Variants in KIF16B observed in about 807,000 individuals in gnomAD.
KIF16B encodes the protein kinesin-like protein KIF16B.
Under a neutral mutation model 156.3 loss-of-function variants are expected in KIF16B, and 98 were observed. The observed-to-expected ratio is 0.63, with a 90% CI of 0.53 to 0.74. The LOEUF is 0.74. Among genes scored for constraint, KIF16B ranks in the 30% least tolerant of loss-of-function variants. The pLI, the probability that KIF16B is intolerant of heterozygous loss-of-function variation, is 0.00. For synonymous variants in KIF16B, 564 were observed against 583.7 expected (o/e 0.97, Z 0.49); for missense variants, 1,421 against 1,606.5 (o/e 0.88, Z 1.97).
chr20:16,560,148 C>A (rs1331066236), intron 1 of KIF16B, among the ~76,000 whole-genome samples: 1 of 152,178 alleles, frequency 6.6e-6, no homozygotes, highest in Non-Finnish European at 1.5e-5. Flanking sequence ...CCAAGGACCA[C>A]TGATACCTTC....
chr20:16,384,611 C>A (rs2065183965), intron 17 of KIF16B, among the ~76,000 whole-genome samples: 1 of 152,086 alleles, frequency 6.6e-6, no homozygotes, highest in Non-Finnish European at 1.5e-5. Context: ...AGAACACATA[C>A]TCTTGGTGTT....
chr20:16,400,539 TCAAA>T (rs1458722172), intron 17 of KIF16B, among the ~76,000 whole-genome samples: 1 of 152,154 alleles, frequency 6.6e-6, no homozygotes, highest in Non-Finnish European at 1.5e-5. Context: ...AAACAAGGAC[TCAAA>T]CAAACAAGTT....
intron 15 of KIF16B, among the ~76,000 whole-genome samples, chr20:16,412,994 G>A (rs2065996827): frequency 6.6e-6 from 1 of 151,896 alleles, no homozygotes; most frequent in South Asian, 2.1e-4. Context: ...GGACAAGTCA[G>A]TGCTTAATCT....
At chr20:16,405,542 T>G (rs893509512) in intron 16 of KIF16B, among the ~76,000 whole-genome samples, 2 of 152,126 alleles carry the variant, frequency 1.3e-5, no homozygotes, top group Non-Finnish European at 2.9e-5. Flanking sequence ...GCATCCCTTA[T>G]AAAGGAGACA....
In KIF16B at chr20:16,514,666, G is replaced by A. The variant is rs545597614; in HGVS notation, c.348+882C>T. Reference sequence around the variant, plus strand: ...AGCACTTTGGGAGGCCGAGGCAGGCGGGTCATCTAAGGTCAGAAGTTCGAG... The same window carrying A: ...AGCACTTTGGGAGGCCGAGGCAGGCAGGTCATCTAAGGTCAGAAGTTCGAG... On this transcript the variant is annotated intron_variant, in intron 4 of 25. Transcript: ENST00000354981. Among the ~76,000 whole-genome samples the A allele has an allele frequency of 6.7e-5, 10 of 150,358 alleles. No individual in the cohort carries two copies. In the East Asian group the frequency reaches 7.8e-4, roughly 12 times the overall value.
chr20:16,298,908 A>T (rs79659281), intron 25 of KIF16B, among the ~76,000 whole-genome samples: 3 of 46,588 alleles, frequency 6.4e-5, no homozygotes, highest in African/African-American at 2.0e-4. Context: ...GGTGAGTAAT[A>T]AAAAAAAAAA....
chr20:16,378,713 A>G, intron 19 of KIF16B, 92 bp downstream of exon 19: 1 of 890,206 alleles, frequency 1.1e-6, no homozygotes. Context: ...GAATAAGTTA[A>G]AAAAAAAAAA....
At chr20:16,431,503 G>A (rs1017487855) in intron 12 of KIF16B, among the ~76,000 whole-genome samples, 2 of 152,126 alleles carry the variant, frequency 1.3e-5, no homozygotes, top group Non-Finnish European at 2.9e-5. Context: ...GGTTCCTACT[G>A]CTTTTGTGGT....
At chr20:16,423,330 A>G (rs1029229293) in intron 15 of KIF16B, among the ~76,000 whole-genome samples, 1 of 152,226 alleles carries the variant, frequency 6.6e-6, no homozygotes, top group Non-Finnish European at 1.5e-5. Flanking sequence ...ACAAAGAACA[A>G]CAGATTAAAG....
chr20:16,415,036 A>G (rs948691252), intron 15 of KIF16B, among the ~76,000 whole-genome samples: 1 of 152,160 alleles, frequency 6.6e-6, no homozygotes, highest in African/African-American at 2.4e-5. Context: ...TCTTCAACTT[A>G]GGATATTTTC....
chr20:16,474,141 T>C (rs2067741049), intron 12 of KIF16B, among the ~76,000 whole-genome samples: 1 of 152,180 alleles, frequency 6.6e-6, no homozygotes, highest in Non-Finnish European at 1.5e-5. Flanking sequence ...TGTGTTTCCA[T>C]GGCTACCCTC....
chr20:16,382,521 G>C (rs2065122539), intron 17 of KIF16B, among the ~76,000 whole-genome samples: 2 of 152,180 alleles, frequency 1.3e-5, no homozygotes, highest in South Asian at 4.1e-4. Context: ...AGTTATGGGG[G>C]TTGTGAGATT....
At chr20:16,564,883 G>A (rs1445401453) in intron 1 of KIF16B, among the ~76,000 whole-genome samples, 1 of 151,782 alleles carries the variant, frequency 6.6e-6, no homozygotes, top group Admixed American at 6.6e-5. Flanking sequence ...CCACCTGACT[G>A]TGCAGCCTCT....
chr20:16,430,030 G>T, intron 12 of KIF16B, 48 bp from the exon 13 acceptor site: 1 of 1,556,520 alleles, frequency 6.4e-7, no homozygotes, highest in Non-Finnish European at 8.7e-7. Context: ...TGGGAAAAGA[G>T]AACTTCAAAT....
intron 25 of KIF16B, among the ~76,000 whole-genome samples, chr20:16,276,880 A>G (rs1399450319): frequency 6.6e-6 from 1 of 152,216 alleles, no homozygotes; most frequent in East Asian, 1.9e-4. Context: ...TTTTTGAATT[A>G]AAGTATATGC....
intron 12 of KIF16B, among the ~76,000 whole-genome samples, chr20:16,430,849 G>GTA (rs150403788): frequency 0.13 from 18,552 of 147,028 alleles, 1,260 homozygotes; most frequent in Non-Finnish European, 0.17. Context: ...GTGTGTGTAT[G>GTA]TATATATATA....
At chr20:16,508,364 G>A (rs368829763) in intron 6 of KIF16B, among the ~76,000 whole-genome samples, 2 of 152,130 alleles carry the variant, frequency 1.3e-5, no homozygotes, top group Non-Finnish European at 2.9e-5. Flanking sequence ...GTTACCTCAC[G>A]TGATCATGTG....
intron 25 of KIF16B, among the ~76,000 whole-genome samples, chr20:16,285,328 C>T (rs1489259591): frequency 6.6e-6 from 1 of 152,144 alleles, no homozygotes; most frequent in African/African-American, 2.4e-5. Flanking sequence ...GCCATACACA[C>T]AGATATTTAT....
intron 12 of KIF16B, among the ~76,000 whole-genome samples, chr20:16,489,344 G>A (rs1183589410): frequency 6.6e-6 from 1 of 152,124 alleles, no homozygotes; most frequent in African/African-American, 2.4e-5. Flanking sequence ...GTCAGCCCAC[G>A]AGACAGGGCA....
Sources: gnomAD v4.1 joint callset for allele counts (sites outside exome capture counted in the v4.1 genomes callset) on GRCh38, gnomAD v4.1.1 for gene constraint, MANE v1.5 for transcripts, NCBI Gene and HGNC (gene_info 2026-07-23, HGNC 2026-07-21) for gene names.